EXOC4: variants seen among roughly 807,000 people sequenced by gnomAD.
EXOC4 encodes the protein exocyst complex component 4.
EXOC4 carries 71 observed loss-of-function variants against 107.2 expected under a neutral mutation model. The observed-to-expected ratio is 0.66, with a 90% CI of 0.55 to 0.81. EXOC4 has a LOEUF of 0.81. EXOC4 is among the 30% of genes least tolerant of loss of function. The pLI is 0.00. For missense variants in EXOC4, 1,108 were observed against 1,189.6 expected, an observed-to-expected ratio of 0.93 and a Z score of 1.01; for synonymous variants, 456 against 441.2, an observed-to-expected ratio of 1.03 and a Z score of -0.42.
chr7:133,863,360 A>G (rs1037239633), intron 11 of EXOC4, among the ~76,000 whole-genome samples: 2 of 152,226 alleles, frequency 1.3e-5, no homozygotes, highest in African/African-American at 4.8e-5. Flanking sequence ...TATTATAACA[A>G]TGAAAAATAA....
chr7:133,577,153 G>T (rs556735181), intron 9 of EXOC4, among the ~76,000 whole-genome samples: 1 of 151,888 alleles, frequency 6.6e-6, no homozygotes, highest in Non-Finnish European at 1.5e-5. Context: ...TTAAATTTTG[G>T]GTAATATTGT....
the EXOC4 span, among the ~76,000 whole-genome samples, chr7:134,080,457 A>T: frequency 6.6e-6 from 1 of 152,002 alleles, no homozygotes; most frequent in Non-Finnish European, 1.5e-5. Flanking sequence ...ATCTGGTGTA[A>T]CCACTAAGGA....
intron 9 of EXOC4, among the ~76,000 whole-genome samples, chr7:133,619,909 T>A (rs752156929): frequency 8.5e-5 from 13 of 152,112 alleles, no homozygotes; most frequent in Non-Finnish European, 1.6e-4. Context: ...AAGAGCCAGG[T>A]GAGAGAGCCT....
intron 10 of EXOC4, among the ~76,000 whole-genome samples, chr7:133,635,284 T>C (rs1802682079): frequency 6.6e-6 from 1 of 152,212 alleles, no homozygotes; most frequent in African/African-American, 2.4e-5. Context: ...AATGTAGTCT[T>C]TTCAGGAAAT....
intron 10 of EXOC4, among the ~76,000 whole-genome samples, chr7:133,697,947 T>C (rs1282393304): frequency 2.6e-5 from 4 of 152,188 alleles, no homozygotes; most frequent in Admixed American, 1.3e-4. Context: ...CAGAAAGGAC[T>C]CAGAGGAGGC....
chr7:133,558,786 A>C (rs62469989), intron 9 of EXOC4, among the ~76,000 whole-genome samples: 1 of 152,158 alleles, frequency 6.6e-6, no homozygotes, highest in Non-Finnish European at 1.5e-5. Context: ...CATTTAATAC[A>C]CTTTCATTTG....
chr7:133,462,721 C>T (rs1798623595), intron 7 of EXOC4, among the ~76,000 whole-genome samples: 2 of 151,928 alleles, frequency 1.3e-5, no homozygotes, highest in East Asian at 3.9e-4. Flanking sequence ...GCTAACATTC[C>T]CCATACTTGA....
At chr7:133,786,587 T>C (rs1264195918) in intron 10 of EXOC4, among the ~76,000 whole-genome samples, 2 of 152,228 alleles carry the variant, frequency 1.3e-5, no homozygotes, top group Non-Finnish European at 2.9e-5. Flanking sequence ...TCTCAAAGCA[T>C]GTTCAGTACC....
chr7:133,450,171 G>A (rs369390490), intron 7 of EXOC4, among the ~76,000 whole-genome samples: 2 of 151,816 alleles, frequency 1.3e-5, no homozygotes, highest in East Asian at 1.9e-4. Flanking sequence ...TAGTTTTTGG[G>A]TTATTATTAT....
chr7:133,703,449 C>T (rs1794707041), intron 10 of EXOC4, among the ~76,000 whole-genome samples: 1 of 152,108 alleles, frequency 6.6e-6, no homozygotes, highest in Non-Finnish European at 1.5e-5. Context: ...AGAATTTCTG[C>T]TGGAGGATGA....
chr7:133,582,825 A>G (rs746395181), intron 9 of EXOC4, among the ~76,000 whole-genome samples: 1 of 152,216 alleles, frequency 6.6e-6, no homozygotes, highest in Non-Finnish European at 1.5e-5. Context: ...AATAATTAAC[A>G]TGTTAACAGA....
chr7:133,997,657 C>T (rs1434685591), intron 15 of EXOC4, 24 bp downstream of exon 15: 26 of 1,607,964 alleles, frequency 1.6e-5, no homozygotes, highest in Non-Finnish European at 2.2e-5. Context: ...AAGCCCAGGA[C>T]CTTGCAATTT....
At chr7:133,540,926 C>T (rs1413476782) in intron 9 of EXOC4, among the ~76,000 whole-genome samples, 2 of 152,066 alleles carry the variant, frequency 1.3e-5, no homozygotes, top group African/African-American at 2.4e-5. Context: ...AATCGAAGCA[C>T]TTCTTGCTAT....
chr7:133,521,308 C>G (rs1799973315), intron 9 of EXOC4, among the ~76,000 whole-genome samples: 1 of 152,032 alleles, frequency 6.6e-6, no homozygotes, highest in African/African-American at 2.4e-5. Flanking sequence ...GTCACTCTCC[C>G]AAAGCACAGG....
chr7:133,971,386 AG>A (rs1458109206), intron 14 of EXOC4, among the ~76,000 whole-genome samples: 3 of 143,170 alleles, frequency 2.1e-5, no homozygotes, highest in Admixed American at 7.1e-5. Context: ...AGAGAGAGAG[AG>A]AGAGAGAGAG....
At chr7:133,428,123 G>C (rs1294259576) in intron 7 of EXOC4, among the ~76,000 whole-genome samples, 2 of 152,218 alleles carry the variant, frequency 1.3e-5, no homozygotes, top group Non-Finnish European at 2.9e-5. Context: ...GATCACACTT[G>C]ACAGTGATTT....
At chr7:133,835,007 C>T (rs2151242335) in intron 11 of EXOC4, among the ~76,000 whole-genome samples, 1 of 152,192 alleles carries the variant, frequency 6.6e-6, no homozygotes, top group Admixed American at 6.5e-5. Context: ...TGCCTGCTGC[C>T]ATCCATGTAA....
At chr7:133,530,922 A>T (rs746387873) in intron 9 of EXOC4, among the ~76,000 whole-genome samples, 14 of 152,162 alleles carry the variant, frequency 9.2e-5, no homozygotes, top group Non-Finnish European at 2.1e-4. Context: ...TTAACTGCAT[A>T]ACCTTGAATG....
At chr7:133,496,316 C>T (rs1356316775) in intron 9 of EXOC4, among the ~76,000 whole-genome samples, 1 of 152,088 alleles carries the variant, frequency 6.6e-6, no homozygotes, top group East Asian at 1.9e-4. Flanking sequence ...CCACCGCATG[C>T]ACCATCACAC....
Sources: allele counts gnomAD v4.1 joint callset (sites outside exome capture counted in the v4.1 genomes callset), GRCh38; gene constraint gnomAD v4.1.1; transcripts MANE v1.5; gene names NCBI Gene and HGNC (gene_info 2026-07-23, HGNC 2026-07-21).